Variants in TNS3 observed in about 807,000 individuals in gnomAD.
The protein encoded by TNS3 is tensin 3.
TNS3 carries 45 observed loss-of-function variants against 140.9 expected under a neutral mutation model. The ratio of observed to expected loss-of-function variants is 0.32; its 90% CI spans 0.25 to 0.41. TNS3 has a LOEUF of 0.41. Among genes scored for constraint, TNS3 ranks in the 10% least tolerant of loss-of-function variants. The probability of loss-of-function intolerance (pLI) is 1.00; values close to 1 mark genes in which losing one functional copy is unlikely to be tolerated. For missense variants in TNS3, 1,716 were observed against 1,906.7 expected, an observed-to-expected ratio of 0.90 and a Z score of 1.86; for synonymous variants, 815 against 788.4, an observed-to-expected ratio of 1.03 and a Z score of -0.56.
Position 47,275,898 on chromosome 7 carries a change from C to G in TNS3, c.*2178G>C, listed in dbSNP as rs1784850980. The stretch of plus-strand genomic sequence containing the variant: ...CCCCGATGTCTCTGTGATTCCCTGG[C>G]AGGCTGCGTTTCTCAATACTGAGAC... On this transcript the variant is annotated 3_prime_UTR_variant, in exon 31 of 31. Coordinates refer to ENST00000311160, the MANE Select transcript of TNS3 (RefSeq NM_022748.12). 2.2e-6 allele frequency: 1 copy of G among 455,726 alleles called. No homozygotes were observed. The highest frequency in any genetic ancestry group is 4.4e-6 in the Non-Finnish European group (1 of 226,680). The allele number at this position is 455,726 out of a possible 1,614,324, so 28.2% of individuals were successfully genotyped here. A position where few individuals can be genotyped will look rare whatever the true frequency, so the allele number is the denominator to read the frequency against.
At chr7:47,418,385 C>T (rs1794195360) in intron 10 of TNS3, among the ~76,000 whole-genome samples, 1 of 152,130 alleles carries the variant, frequency 6.6e-6, no homozygotes, top group Non-Finnish European at 1.5e-5. Flanking sequence ...TGGAAAGGAT[C>T]AACTTTAACT....
At chr7:47,320,728 C>A (rs1439903526) in intron 20 of TNS3, among the ~76,000 whole-genome samples, 3 of 152,212 alleles carry the variant, frequency 2.0e-5, no homozygotes, top group Admixed American at 6.5e-5. Context: ...CAAACACTCA[C>A]ATCCTGGGGT....
At chr7:47,567,648 C>A (rs1326880210) in intron 1 of TNS3, among the ~76,000 whole-genome samples, 1 of 143,108 alleles carries the variant, frequency 7.0e-6, no homozygotes, top group Non-Finnish European at 1.5e-5. Flanking sequence ...CATGCCACTG[C>A]ACTCCAGCCT....
At chr7:47,456,609 TGAG>T (rs1041397042) in intron 4 of TNS3, among the ~76,000 whole-genome samples, 2 of 152,158 alleles carry the variant, frequency 1.3e-5, no homozygotes, top group African/African-American at 4.8e-5. Flanking sequence ...ATTCAGGATG[TGAG>T]GAGAAGGAAG....
At chr7:47,542,926 C>CAAAAAA (rs33935034) in intron 1 of TNS3, among the ~76,000 whole-genome samples, 1 of 135,166 alleles carries the variant, frequency 7.4e-6, no homozygotes, top group Non-Finnish European at 1.6e-5. Context: ...GCAAGACTGT[C>CAAAAAA]AAAAAAAAAA....
chr7:47,382,481 A>G (rs1186607921), intron 16 of TNS3, among the ~76,000 whole-genome samples: 2 of 152,028 alleles, frequency 1.3e-5, no homozygotes, highest in Admixed American at 6.5e-5. Context: ...GTTAGTATTA[A>G]CCTTTCTTGA....
rs201535299 is a variant in TNS3 at position 47,422,880 on chromosome 7, C to CA, written c.473+1220dup. ...AACATTTAATGGTTCCAAAAAAAAA[C>CA]AAAAAAAAAACCCAAGTGACTGTTT... is the stretch of plus-strand genomic sequence containing the variant. On this transcript the variant is annotated intron_variant, in intron 10 of 30. Transcript: ENST00000311160. Among the ~76,000 whole-genome samples, 543 of 142,766 alleles carry CA rather than the reference C, an allele frequency of 3.8e-3. 3 individuals are homozygous for CA. The highest frequency in any genetic ancestry group is 0.012 in the African/African-American group (473 of 38,662). 93.7% of individuals were successfully genotyped at this position (142,766 alleles called of 152,430 possible).
At chr7:47,563,836 A>C (rs968437670) in intron 1 of TNS3, among the ~76,000 whole-genome samples, 3 of 152,216 alleles carry the variant, frequency 2.0e-5, no homozygotes, top group Admixed American at 6.5e-5. Flanking sequence ...TGGCTAGGCC[A>C]TGGTATCCAA....
intron 27 of TNS3, among the ~76,000 whole-genome samples, chr7:47,290,643 C>T (rs1028686703): frequency 2.6e-5 from 4 of 152,182 alleles, no homozygotes; most frequent in Non-Finnish European, 5.9e-5. Context: ...TACCACTACG[C>T]TACTATTAGA....
At chr7:47,519,649 CA>C (rs1181307962) in intron 2 of TNS3, among the ~76,000 whole-genome samples, 1 of 152,096 alleles carries the variant, frequency 6.6e-6, no homozygotes, top group African/African-American at 2.4e-5. Context: ...GCACCTAACA[CA>C]GTAGGCACCT....
chr7:47,458,911 G>C (rs1031824273), intron 4 of TNS3, among the ~76,000 whole-genome samples: 4 of 152,178 alleles, frequency 2.6e-5, no homozygotes, highest in East Asian at 1.9e-4. Context: ...AAAAGAAGCA[G>C]ACAGAATCAG....
chr7:47,525,055 A>C (rs1338641024), intron 2 of TNS3, among the ~76,000 whole-genome samples: 1 of 152,128 alleles, frequency 6.6e-6, no homozygotes, highest in Non-Finnish European at 1.5e-5. Flanking sequence ...CAGTGAGAAA[A>C]ACCAGTGCTA....
chr7:47,487,159 C>A (rs551535561), intron 3 of TNS3, among the ~76,000 whole-genome samples: 1 of 152,082 alleles, frequency 6.6e-6, no homozygotes, highest in Non-Finnish European at 1.5e-5. Flanking sequence ...CTTAGCAGGG[C>A]GTGGCGGCAC....
chr7:47,337,558 C>T (rs148512939), intron 20 of TNS3, among the ~76,000 whole-genome samples: 52 of 152,160 alleles, frequency 3.4e-4, no homozygotes, highest in African/African-American at 1.2e-3. Flanking sequence ...GATTGCACCA[C>T]CTGAATCCTA....
At chr7:47,316,583 C>G (rs1411224815) in intron 20 of TNS3, among the ~76,000 whole-genome samples, 3 of 149,148 alleles carry the variant, frequency 2.0e-5, no homozygotes, top group Non-Finnish European at 4.4e-5. Context: ...CTTATCTTCA[C>G]TTTGGGAGGC....
chr7:47,293,078 T>C (rs185527228), intron 25 of TNS3, among the ~76,000 whole-genome samples, 173 bp from the exon 26 acceptor site: 620 of 152,376 alleles, frequency 4.1e-3, no homozygotes, highest in Admixed American at 8.0e-3. Context: ...AAGTATAAAG[T>C]TCCACAAGAT....
intron 3 of TNS3, among the ~76,000 whole-genome samples, chr7:47,493,944 T>C (rs139280305): frequency 9.2e-5 from 14 of 152,344 alleles, no homozygotes; most frequent in Admixed American, 2.6e-4. Flanking sequence ...CCAACTCTAA[T>C]GTCCACATAA....
At chr7:47,451,496 G>A (rs1268075178) in intron 4 of TNS3, among the ~76,000 whole-genome samples, 3 of 152,082 alleles carry the variant, frequency 2.0e-5, no homozygotes, top group Non-Finnish European at 2.9e-5. Flanking sequence ...CAGGAAAATC[G>A]CTCAAACCCA....
At chr7:47,575,948 A>G (rs1800665904) in intron 1 of TNS3, among the ~76,000 whole-genome samples, 1 of 151,886 alleles carries the variant, frequency 6.6e-6, no homozygotes, top group African/African-American at 2.4e-5. Flanking sequence ...AGAGAAATGC[A>G]TTCTTCACCC....
Sources: gnomAD v4.1 joint callset for allele counts (sites outside exome capture counted in the v4.1 genomes callset) on GRCh38, gnomAD v4.1.1 for gene constraint, MANE v1.5 for transcripts, NCBI Gene and HGNC (gene_info 2026-07-23, HGNC 2026-07-21) for gene names.